MLYCD: variants seen among roughly 807,000 people sequenced by gnomAD.
MLYCD encodes malonyl-CoA decarboxylase.
Under a neutral mutation model 35.8 loss-of-function variants are expected in MLYCD, and 27 were observed. That is an observed-to-expected ratio of 0.75 (90% confidence interval 0.56 to 1.04). MLYCD has a LOEUF of 1.04. MLYCD is among the 50% of genes least tolerant of loss of function. The pLI, the probability that MLYCD is intolerant of heterozygous loss-of-function variation, is 0.00. For synonymous variants in MLYCD, 403 were observed against 302.4 expected (o/e 1.33, Z -3.45); for missense variants, 917 against 665.1 (o/e 1.38, Z -4.17).
chr16:83,915,814 C>A lies in MLYCD; in HGVS notation c.*325C>A. ...GTACCTACATCTTCAGGAAGCTGTG[C>A]AGCCTCTGCCATTGCCATCCCAGGG... On this transcript the variant is annotated 3_prime_UTR_variant, in exon 5 of 5. Coordinates refer to ENST00000262430, the MANE Select transcript of MLYCD (RefSeq NM_012213.3). 8.0e-7 allele frequency: 1 copy of A among 1,252,582 alleles called. No individual in the cohort carries two copies. Among genetic ancestry groups the A allele is most frequent in the South Asian group, 1.6e-5 (1 of 61,430 alleles). The allele number at this position is 1,252,582 out of a possible 1,614,324, so 77.6% of individuals were successfully genotyped here.
rs778595914 is a variant in MLYCD at position 83,916,656 on chromosome 16, A to G, written c.*1167A>G. The G allele has an allele frequency of 0.14, 7,491 of 52,090 alleles. 282 individuals are homozygous for G. The highest frequency in any genetic ancestry group is 0.25 in the Admixed American group (1,271 of 5,096). 3.2% of individuals were successfully genotyped at this position (52,090 alleles called of 1,614,324 possible). On this transcript the variant is annotated 3_prime_UTR_variant, in exon 5 of 5. Coordinates refer to ENST00000262430, the MANE Select transcript of MLYCD (RefSeq NM_012213.3). ...CACGTCTGTGTGCGTGTGCACGAGCATCTCTGTGTGTGTCAGTGCACGTCT... is the reference window on the plus strand; with the variant it reads ...CACGTCTGTGTGCGTGTGCACGAGCGTCTCTGTGTGTGTCAGTGCACGTCT...
rs896565800 is a variant in MLYCD, at chr16:83,918,278, C to G, written c.*2789C>G. The stretch of plus-strand genomic sequence containing the variant: ...CGCAGGAGAACACATACATGGTGCA[C>G]AGAACACACACAGTGCACAGAACAC... On this transcript the variant is annotated 3_prime_UTR_variant, in exon 5 of 5. Coordinates refer to ENST00000262430, the MANE Select transcript of MLYCD (RefSeq NM_012213.3). 1 of 152,242 alleles carries G rather than the reference C, an allele frequency of 6.6e-6. No homozygotes were observed. Among genetic ancestry groups the G allele is most frequent in the African/African-American group, 2.4e-5 (1 of 41,440 alleles). The allele number at this position is 152,242 out of a possible 1,614,324, so 9.4% of individuals were successfully genotyped here. A position where few individuals can be genotyped will look rare whatever the true frequency, so the allele number is the denominator to read the frequency against.
chr16:83,910,704 AAAAG>A (rs1285105127), intron 3 of MLYCD, among the ~76,000 whole-genome samples: 19 of 151,906 alleles, frequency 1.3e-4, no homozygotes, highest in Non-Finnish European at 2.4e-4. Context: ...AAAAAAAAAA[AAAAG>A]AAAGGAGATA....
rs933877857 is a variant in MLYCD at position 83,922,024 on chromosome 16, A to G, written c.*6535A>G. The G allele has an allele frequency of 1.3e-5, 2 of 152,186 alleles. No individual in the cohort carries two copies. Among genetic ancestry groups the G allele is most frequent in the Admixed American group, 1.3e-4 (2 of 15,278 alleles). 9.4% of individuals were successfully genotyped at this position (152,186 alleles called of 1,614,324 possible). On this transcript the variant is annotated 3_prime_UTR_variant, in exon 5 of 5. Coordinates refer to ENST00000262430, the MANE Select transcript of MLYCD (RefSeq NM_012213.3). ...CTTGCTCTCAGGAACCCTGGGCAAC[A>G]ACTGTGACCACAGTGTCTTCCTCTG... is the stretch of plus-strand genomic sequence containing the variant.
rs1436430577 is a variant in MLYCD, at chr16:83,920,577, C to CA, written c.*5089dup. ...GTCTCTCCGGGTGGCTGTGTTCTGC[C>CA]AGGGCCTCCCAGGCTCCAAGATCAC... On this transcript the variant is annotated 3_prime_UTR_variant, in exon 5 of 5. Transcript: ENST00000262430. The CA allele has an allele frequency of 2.0e-5, 3 of 152,220 alleles. No individual in the cohort carries two copies. Among genetic ancestry groups the CA allele is most frequent in the Non-Finnish European group, 4.4e-5 (3 of 68,064 alleles). The allele number at this position is 152,220 out of a possible 1,614,324, so 9.4% of individuals were successfully genotyped here.
chr16:83,920,032 C>T lies in MLYCD; in HGVS notation c.*4543C>T, dbSNP rs938750054. ...CACGTGCACAGGAGAACACAGTACA[C>T]ACACAGCGCACTGGAGAACACGCAC... is the stretch of plus-strand genomic sequence containing the variant. On this transcript the variant is annotated 3_prime_UTR_variant, in exon 5 of 5. Transcript: ENST00000262430. 2.6e-5 allele frequency: 4 copies of T among 151,956 alleles called. No individual in the cohort carries two copies. Among genetic ancestry groups the T allele is most frequent in the African/African-American group, 9.7e-5 (4 of 41,162 alleles). 9.4% of individuals were successfully genotyped at this position (151,956 alleles called of 1,614,324 possible).
chr16:83,912,570 G>GCTC (rs1907218742), intron 4 of MLYCD: 1 of 666,576 alleles, frequency 1.5e-6, no homozygotes, highest in South Asian at 1.8e-5. Context: ...GATGCTGAGA[G>GCTC]AGGCCTCCAA....
Position 83,926,425 on chromosome 16 carries a change from C to G in MLYCD, c.*10936C>G, listed in dbSNP as rs1285538923. On this transcript the variant is annotated 3_prime_UTR_variant, in exon 5 of 5. Coordinates refer to ENST00000262430, the MANE Select transcript of MLYCD (RefSeq NM_012213.3). ...CTGGCCGAGGGGACGGGCTTGGGCG[C>G]TTCCATTCTCACACTGCTGCCGTGA... The G allele has an allele frequency of 8.5e-5, 13 of 152,342 alleles. 1 individual carries two copies. Among genetic ancestry groups the G allele is most frequent in the Non-Finnish European group, 1.5e-5 (1 of 68,140 alleles). 9.4% of individuals were successfully genotyped at this position (152,342 alleles called of 1,614,324 possible). A position where few individuals can be genotyped will look rare whatever the true frequency, so the allele number is the denominator to read the frequency against.
Position 83,924,052 on chromosome 16 carries a change from C to T in MLYCD, c.*8563C>T, listed in dbSNP as rs192793108. 95 of 152,274 alleles carry T rather than the reference C, an allele frequency of 6.2e-4. No individual in the cohort carries two copies. Among genetic ancestry groups the T allele is most frequent in the Non-Finnish European group, 1.1e-3 (73 of 68,068 alleles). 9.4% of individuals were successfully genotyped at this position (152,274 alleles called of 1,614,324 possible). A position where few individuals can be genotyped will look rare whatever the true frequency, so the allele number is the denominator to read the frequency against. ...CCGTATCGGTCCGAGCCCTCGGCTG[C>T]CAGGGAGAGAAGCTGAGCTCCCACC... is the stretch of plus-strand genomic sequence containing the variant. On this transcript the variant is annotated 3_prime_UTR_variant, in exon 5 of 5. Coordinates refer to ENST00000262430, the MANE Select transcript of MLYCD (RefSeq NM_012213.3).
At position 83,899,655 on chromosome 16, in the gene MLYCD, GA is replaced by G; in HGVS notation, c.512del (p.Glu171GlyfsTer8). The G allele has an allele frequency of 6.5e-7, 1 of 1,536,346 alleles. No homozygotes were observed. The highest frequency in any genetic ancestry group is 8.7e-7 in the Non-Finnish European group (1 of 1,149,012). On this transcript the variant is annotated frameshift_variant, in exon 1 of 5. Coordinates refer to ENST00000262430, the MANE Select transcript of MLYCD (RefSeq NM_012213.3). LOFTEE classifies it high-confidence loss of function. The part of the protein sequence containing the change: ...LLEAQALKLV[E>X]GPDVREMNGV... ...GGAGGCGCAGGCCCTCAAGCTGGTG[GA>G]GGGGCCGGACGTCCGGGTAAGGGGC...
chr16:83,904,130 A>C (rs1426424735), intron 1 of MLYCD, among the ~76,000 whole-genome samples: 1 of 152,124 alleles, frequency 6.6e-6, no homozygotes, highest in African/African-American at 2.4e-5. Flanking sequence ...CATCAGCCAA[A>C]CCATTTCTTT....
rs1477796974 is a variant in MLYCD, at chr16:83,922,697, C to G, written c.*7208C>G. 2.6e-5 allele frequency: 4 copies of G among 152,272 alleles called. No individual in the cohort carries two copies. Among genetic ancestry groups the G allele is most frequent in the Non-Finnish European group, 5.9e-5 (4 of 68,070 alleles). 9.4% of individuals were successfully genotyped at this position (152,272 alleles called of 1,614,324 possible). On this transcript the variant is annotated 3_prime_UTR_variant, in exon 5 of 5. Coordinates refer to ENST00000262430, the MANE Select transcript of MLYCD (RefSeq NM_012213.3). ...TATAAAGCAGTTAACTGATGCCTGC[C>G]CTGGGAAGCAGAGCAGTCCCTGTCA... is the stretch of plus-strand genomic sequence containing the variant.
chr16:83,920,819 A>T lies in MLYCD; in HGVS notation c.*5330A>T, dbSNP rs188514679. The T allele has an allele frequency of 1.3e-5, 2 of 152,214 alleles. No homozygotes were observed. Among genetic ancestry groups the T allele is most frequent in the Non-Finnish European group, 2.9e-5 (2 of 68,050 alleles). The allele number at this position is 152,214 out of a possible 1,614,324, so 9.4% of individuals were successfully genotyped here. On this transcript the variant is annotated 3_prime_UTR_variant, in exon 5 of 5. Transcript: ENST00000262430. The stretch of plus-strand genomic sequence containing the variant: ...CATCAGTGGTTTTCTGTTTTTATCA[A>T]ACTTTATCTTTGTACTTCTTACAGT...
chr16:83,905,968 A>G lies in MLYCD; in HGVS notation c.529-1019A>G, dbSNP rs1279493488. ...ATCTTGGGTGGTCAAGTCAATTCAC[A>G]TCATTTTTGGAAGTAGATACAATAT... On this transcript the variant is annotated intron_variant, in intron 1 of 4. Transcript: ENST00000262430. Among the ~76,000 whole-genome samples, 4 of 152,354 alleles carry G rather than the reference A, an allele frequency of 2.6e-5. No homozygotes were observed. In the East Asian group the frequency reaches 5.8e-4, roughly 22 times the overall value.
Position 83,912,077 on chromosome 16 carries a change from C to G in MLYCD, c.799-141C>G. The G allele has an allele frequency of 5.7e-6, 7 of 1,238,680 alleles. No homozygotes were observed. In the South Asian group the frequency reaches 8.5e-5, roughly 15 times the overall value. 76.7% of individuals were successfully genotyped at this position (1,238,680 alleles called of 1,614,324 possible). On this transcript the variant is annotated intron_variant, in intron 3 of 4. Coordinates refer to ENST00000262430, the MANE Select transcript of MLYCD (RefSeq NM_012213.3). ...ACAGAGCAGCTTTTAGGCTCTGTAGCCTGAACCCCAGCTGGGGAGCCGAGG... is the reference window on the plus strand; with the variant it reads ...ACAGAGCAGCTTTTAGGCTCTGTAGGCTGAACCCCAGCTGGGGAGCCGAGG...
chr16:83,915,758 G>C lies in MLYCD; in HGVS notation c.*269G>C. Reference sequence around the variant, plus strand: ...CCGGAAGATTCTGTCGTTGCCCTTGGCCTGGCTCCCTGCCCGGGGCTGGTG... The same window carrying C: ...CCGGAAGATTCTGTCGTTGCCCTTGCCCTGGCTCCCTGCCCGGGGCTGGTG... On this transcript the variant is annotated 3_prime_UTR_variant, in exon 5 of 5. Transcript: ENST00000262430. 2 of 1,344,886 alleles carry C rather than the reference G, an allele frequency of 1.5e-6. No homozygotes were observed. The highest frequency in any genetic ancestry group is 1.9e-6 in the Non-Finnish European group (2 of 1,042,320). The allele number at this position is 1,344,886 out of a possible 1,614,324, so 83.3% of individuals were successfully genotyped here.
At position 83,899,538 on chromosome 16, in the gene MLYCD, G is replaced by A. The variant is rs775855312; in HGVS notation, c.394G>A (p.Ala132Thr). The A allele has an allele frequency of 6.9e-6, 11 of 1,591,158 alleles. No homozygotes were observed. The Middle Eastern group carries it at 6.9e-4, about 99-fold the overall frequency. ...GCAGGCCGAGGACCGGCTGCGCTAC[G>A]CGCTGGTGCCGCGCTATCGCGGCCT... ...LLQAEDRLRY[A>T]LVPRYRGLFH... is the part of the protein sequence containing the mutation. The change falls in exon 1 of 5, where the codon GCG becomes ACG. Residue 132 changes from alanine (A) to threonine (T), a missense_variant. Transcript: ENST00000262430.
chr16:83,912,533 C>T, intron 4 of MLYCD, 166 bp downstream of exon 4: 2 of 840,856 alleles, frequency 2.4e-6, no homozygotes, highest in Admixed American at 2.1e-5. Flanking sequence ...CTCCTAGGAG[C>T]CATGAGTCTC....
chr16:83,906,081 T>C (rs1442101452), intron 1 of MLYCD, among the ~76,000 whole-genome samples: 1 of 152,122 alleles, frequency 6.6e-6, no homozygotes, highest in Non-Finnish European at 1.5e-5. Context: ...CCCTCTAAGG[T>C]AGGTTAAAAA....
Sources: allele counts gnomAD v4.1 joint callset (sites outside exome capture counted in the v4.1 genomes callset), GRCh38; gene constraint gnomAD v4.1.1; transcripts MANE v1.5; gene names NCBI Gene and HGNC (gene_info 2026-07-23, HGNC 2026-07-21).